The following CYP2C19 variants were observed in gnomAD, a reference collection of about 807,000 sequenced individuals.
CYP2C19 encodes the protein cytochrome P450 family 2 subfamily C member 19, also known as cytochrome P450 2C19.
In CYP2C19, 59 loss-of-function variants were observed where a neutral mutation model predicts 40.9. That is an observed-to-expected ratio of 1.44 (90% confidence interval 1.17 to 1.79). CYP2C19 has a LOEUF of 1.79. CYP2C19 is among the 40% of genes most tolerant of loss of function. CYP2C19 has a pLI of 0.00. For synonymous variants in CYP2C19, 253 were observed against 208.7 expected (o/e 1.21, Z -1.83); for missense variants, 754 against 596.9 (o/e 1.26, Z -2.74).
intron 5 of CYP2C19, among the ~76,000 whole-genome samples, chr10:94,784,737 G>A (rs1480451677): frequency 6.6e-6 from 1 of 151,942 alleles, no homozygotes; most frequent in African/African-American, 2.4e-5. Flanking sequence ...TTACAGGAAT[G>A]TGCCACCATA....
intron 6 of CYP2C19, among the ~76,000 whole-genome samples, chr10:94,822,928 GT>G (rs894444955): frequency 4.0e-5 from 6 of 149,082 alleles, no homozygotes; most frequent in African/African-American, 1.2e-4. Context: ...TTTTTTTTTT[GT>G]TTTTTGCTTG....
At chr10:94,839,105 A>G (rs1849449908) in intron 6 of CYP2C19, among the ~76,000 whole-genome samples, 2 of 152,176 alleles carry the variant, frequency 1.3e-5, no homozygotes, top group African/African-American at 4.8e-5. Flanking sequence ...AGCATCCTCT[A>G]TGGTCCTAAT....
At chr10:94,849,598 A>G (rs1415400139) in intron 7 of CYP2C19, among the ~76,000 whole-genome samples, 1 of 149,872 alleles carries the variant, frequency 6.7e-6, no homozygotes, top group African/African-American at 2.4e-5. Context: ...ATCATTTAGC[A>G]TTAGGTATAT....
At chr10:94,835,845 A>G (rs1170583616) in intron 6 of CYP2C19, among the ~76,000 whole-genome samples, 1 of 152,134 alleles carries the variant, frequency 6.6e-6, no homozygotes, top group African/African-American at 2.4e-5. Flanking sequence ...CCAGCTGAGC[A>G]CTAGTTCCTG....
At chr10:94,773,668 G>A (rs1016597161) in intron 1 of CYP2C19, among the ~76,000 whole-genome samples, 3 of 151,530 alleles carry the variant, frequency 2.0e-5, no homozygotes, top group Non-Finnish European at 2.9e-5. Context: ...TGGCATATCT[G>A]GAGTTGTTCG....
intron 7 of CYP2C19, among the ~76,000 whole-genome samples, chr10:94,846,972 C>T (rs376797667): frequency 2.6e-5 from 4 of 152,204 alleles, no homozygotes; most frequent in Admixed American, 2.6e-4. Flanking sequence ...TAGAAGACGT[C>T]GTTTGAAGCT....
chr10:94,807,631 T>C (rs538301234), intron 5 of CYP2C19, among the ~76,000 whole-genome samples: 1 of 152,264 alleles, frequency 6.6e-6, no homozygotes, highest in South Asian at 2.1e-4. Context: ...TTGAATTTCC[T>C]TGCTGATATA....
At chr10:94,825,973 T>A (rs1230931646) in intron 6 of CYP2C19, among the ~76,000 whole-genome samples, 9 of 150,628 alleles carry the variant, frequency 6.0e-5, no homozygotes, top group East Asian at 1.9e-4. Context: ...GTTGTAGATA[T>A]GTGGCGTTAT....
intron 6 of CYP2C19, 127 bp downstream of exon 6, chr10:94,820,764 C>G: frequency 8.3e-7 from 1 of 1,199,086 alleles, no homozygotes; most frequent in South Asian, 1.4e-5. Context: ...CAGCTGTAAT[C>G]TGTCCCAATT....
In CYP2C19 at chr10:94,820,478, G is replaced by C; in HGVS notation, c.820-18G>C. 6.2e-7 allele frequency: 1 copy of C among 1,613,388 alleles called. No homozygotes were observed. Among genetic ancestry groups the C allele is most frequent in the Non-Finnish European group, 8.5e-7 (1 of 1,179,444 alleles). ...CTGTTAAATAATTTGTCAGATAATT[G>C]CATCAAATCATTCCTAGGAAAAGCA... On this transcript the variant is annotated intron_variant, in intron 5 of 8. Transcript: ENST00000371321.
intron 6 of CYP2C19, among the ~76,000 whole-genome samples, chr10:94,824,730 T>G (rs576338001): frequency 6.7e-6 from 1 of 149,676 alleles, no homozygotes; most frequent in Non-Finnish European, 1.5e-5. Flanking sequence ...TATGTACACA[T>G]GTGCCATGCT....
chr10:94,829,177 G>A (rs959798490), intron 6 of CYP2C19, among the ~76,000 whole-genome samples: 62 of 152,164 alleles, frequency 4.1e-4, no homozygotes, highest in African/African-American at 1.0e-3. Flanking sequence ...TCTTTGTGGC[G>A]TTCTCTGTAT....
chr10:94,795,012 T>C (rs554448233), intron 5 of CYP2C19, among the ~76,000 whole-genome samples: 15 of 151,980 alleles, frequency 9.9e-5, no homozygotes, highest in African/African-American at 3.4e-4. Flanking sequence ...TAAATATATA[T>C]ATATTTTTAT....
Position 94,782,311 on chromosome 10 carries a change from G to A in CYP2C19, c.819+314G>A, listed in dbSNP as rs185074599. Among the ~76,000 whole-genome samples the A allele has an allele frequency of 3.0e-3, 462 of 152,006 alleles. 8 individuals are homozygous for A. Among genetic ancestry groups the A allele is most frequent in the Non-Finnish European group, 1.9e-3 (129 of 67,938 alleles). ...GCACAGGAGGAACTTAAATTTAAAAGAAAATAAAAAACATCTCCATCAAAA... is the reference window on the plus strand; with the variant it reads ...GCACAGGAGGAACTTAAATTTAAAAAAAAATAAAAAACATCTCCATCAAAA... On this transcript the variant is annotated intron_variant, in intron 5 of 8. Coordinates refer to ENST00000371321, the MANE Select transcript of CYP2C19 (RefSeq NM_000769.4).
chr10:94,762,713 C>A lies in CYP2C19; in HGVS notation c.8C>A (p.Pro3His), dbSNP rs768096659. MD[P>H]FVVLVLCLSC... is the part of the protein sequence containing the mutation. ...CAAGAGGAGAAGGCTTCAATGGATCCTTTTGTGGTCCTTGTGCTCTGTCTC... is the reference window on the plus strand; with the variant it reads ...CAAGAGGAGAAGGCTTCAATGGATCATTTTGTGGTCCTTGTGCTCTGTCTC... The change falls in exon 1 of 9, where the codon CCT becomes CAT. Residue 3 changes from proline (P) to histidine (H), a missense_variant. By Grantham distance (77) the Pro-to-His change is moderately conservative (BLOSUM62 -2). Coordinates refer to ENST00000371321, the MANE Select transcript of CYP2C19 (RefSeq NM_000769.4). 1 of 1,613,372 alleles carries A rather than the reference C, an allele frequency of 6.2e-7. No homozygotes were observed. The highest frequency in any genetic ancestry group is 2.2e-5 in the East Asian group (1 of 44,860).
intron 7 of CYP2C19, among the ~76,000 whole-genome samples, chr10:94,847,978 C>A (rs1042698952): frequency 2.6e-5 from 4 of 152,178 alleles, no homozygotes; most frequent in African/African-American, 9.6e-5. Flanking sequence ...TGGATATTAG[C>A]CCTTCGTCAG....
intron 5 of CYP2C19, among the ~76,000 whole-genome samples, chr10:94,802,815 A>G (rs962482537): frequency 7.2e-5 from 11 of 152,178 alleles, no homozygotes; most frequent in African/African-American, 2.6e-4. Context: ...CTTGTCTGTA[A>G]AGGATTTTAT....
rs1849691790 is a variant in CYP2C19 at position 94,853,749 on chromosome 10, T to A, written c.*835T>A. On this transcript the variant is annotated 3_prime_UTR_variant, in exon 9 of 9. Transcript: ENST00000371321. Reference sequence around the variant, plus strand: ...TTTTAGTACAGACAGGGTTTCACCATGTTAGCCAGGATGATCTCAATCTGC... The same window carrying A: ...TTTTAGTACAGACAGGGTTTCACCAAGTTAGCCAGGATGATCTCAATCTGC... Among the ~76,000 whole-genome samples the A allele has an allele frequency of 3.3e-5, 5 of 152,124 alleles. No homozygotes were observed. In the South Asian group the frequency reaches 1.0e-3, roughly 32 times the overall value.
chr10:94,825,834 A>G (rs1849210101), intron 6 of CYP2C19, among the ~76,000 whole-genome samples: 1 of 147,422 alleles, frequency 6.8e-6, no homozygotes, highest in Non-Finnish European at 1.5e-5. Context: ...TGATTTTTGT[A>G]TAAGGTGTAA....
Sources: allele counts gnomAD v4.1 joint callset (sites outside exome capture counted in the v4.1 genomes callset), GRCh38; gene constraint gnomAD v4.1.1; transcripts MANE v1.5; gene names NCBI Gene and HGNC (gene_info 2026-07-23, HGNC 2026-07-21).